POU6F2: variants seen among roughly 807,000 people sequenced by gnomAD.
The protein encoded by POU6F2 is POU domain, class 6, transcription factor 2.
In POU6F2, 31 loss-of-function variants were observed where a neutral mutation model predicts 71.3. The ratio of observed to expected loss-of-function variants is 0.43; its 90% CI spans 0.33 to 0.59. POU6F2 has a LOEUF of 0.59. Among genes scored for constraint, POU6F2 ranks in the 20% least tolerant of loss-of-function variants. POU6F2 has a pLI of 0.04. For synonymous variants in POU6F2, 347 were observed against 355.7 expected, an observed-to-expected ratio of 0.98 and a Z score of 0.27; for missense variants, 783 against 856.8, an observed-to-expected ratio of 0.91 and a Z score of 1.07.
At chr7:39,272,261 T>G (rs1229498159) in intron 4 of POU6F2, among the ~76,000 whole-genome samples, 1 of 152,144 alleles carries the variant, frequency 6.6e-6, no homozygotes, top group Non-Finnish European at 1.5e-5. Flanking sequence ...TTCATCATCC[T>G]CCCACTACTG....
chr7:39,202,062 G>C (rs1234261382), intron 2 of POU6F2, among the ~76,000 whole-genome samples: 1 of 152,230 alleles, frequency 6.6e-6, no homozygotes, highest in Non-Finnish European at 1.5e-5. Flanking sequence ...GCCCTGGACT[G>C]CACTGAACGT....
intron 1 of POU6F2, among the ~76,000 whole-genome samples, chr7:39,010,819 T>C (rs1584496262): frequency 1.3e-5 from 2 of 149,590 alleles, no homozygotes; most frequent in African/African-American, 2.5e-5. Context: ...TCAGTTTCCA[T>C]GTAGTTGAGT....
intron 4 of POU6F2, among the ~76,000 whole-genome samples, chr7:39,228,712 T>C (rs931366621): frequency 3.3e-5 from 5 of 152,228 alleles, no homozygotes; most frequent in African/African-American, 1.2e-4. Context: ...AATCAGTAAG[T>C]AGTCGCAAAT....
chr7:39,168,573 C>T (rs936645533), intron 2 of POU6F2, among the ~76,000 whole-genome samples: 14 of 152,150 alleles, frequency 9.2e-5, no homozygotes, highest in African/African-American at 2.7e-4. Flanking sequence ...AGCCCTTTCT[C>T]CCCACCTCTG....
At chr7:39,333,957 C>T (rs1424720050) in intron 4 of POU6F2, among the ~76,000 whole-genome samples, 4 of 152,116 alleles carry the variant, frequency 2.6e-5, no homozygotes, top group Non-Finnish European at 4.4e-5. Flanking sequence ...TCCTTACAAG[C>T]TCCCTTGGTG....
intron 1 of POU6F2, among the ~76,000 whole-genome samples, chr7:38,979,851 T>C (rs1421983891): frequency 6.6e-6 from 1 of 151,552 alleles, no homozygotes; most frequent in Admixed American, 6.6e-5. Context: ...TAGGATTTCC[T>C]TTTTCTATAT....
chr7:39,053,509 C>T (rs1168627546), intron 1 of POU6F2, among the ~76,000 whole-genome samples: 1 of 151,994 alleles, frequency 6.6e-6, no homozygotes, highest in East Asian at 1.9e-4. Flanking sequence ...TTTTTCCCCC[C>T]AGAAGATCCC....
intron 7 of POU6F2, among the ~76,000 whole-genome samples, chr7:39,443,619 G>A (rs1788459922): frequency 6.6e-6 from 1 of 152,152 alleles, no homozygotes; most frequent in Non-Finnish European, 1.5e-5. Context: ...CTAACAAGTT[G>A]GGCAAATTGA....
At chr7:39,443,789 T>C (rs1788462857) in intron 7 of POU6F2, among the ~76,000 whole-genome samples, 1 of 152,246 alleles carries the variant, frequency 6.6e-6, no homozygotes, top group Non-Finnish European at 1.5e-5. Context: ...TGAAGAAATA[T>C]AATATGGACA....
chr7:39,350,521 A>C (rs1009170154), intron 5 of POU6F2, among the ~76,000 whole-genome samples: 2 of 152,154 alleles, frequency 1.3e-5, no homozygotes, highest in African/African-American at 2.4e-5. Flanking sequence ...AGTAGTCTGC[A>C]CTCCATGGAA....
chr7:39,384,685 C>A (rs1040775498), intron 5 of POU6F2, among the ~76,000 whole-genome samples: 1 of 152,326 alleles, frequency 6.6e-6, no homozygotes, highest in African/African-American at 2.4e-5. Context: ...AAACTCTCAC[C>A]TTCTCAGAGA....
Position 39,178,387 on chromosome 7 carries a change from T to C in POU6F2, c.278-25848T>C, listed in dbSNP as rs563724917. Among the ~76,000 whole-genome samples the C allele has an allele frequency of 7.2e-5, 11 of 152,316 alleles. No homozygotes were observed. The South Asian group carries it at 1.5e-3, about 20-fold the overall frequency. ...CCCTATTGAATATAGAAAGTATTCA[T>C]TGAGTTTTACATTCTATAATTTGAT... On this transcript the variant is annotated intron_variant, in intron 2 of 9. Transcript: ENST00000518318.
At chr7:39,080,287 T>A (rs997400432) in intron 1 of POU6F2, among the ~76,000 whole-genome samples, 2 of 152,200 alleles carry the variant, frequency 1.3e-5, no homozygotes, top group Admixed American at 1.3e-4. Flanking sequence ...AAGTTTGTTT[T>A]TCTTCATGAC....
At chr7:39,440,761 C>T (rs1335945281) in intron 7 of POU6F2, among the ~76,000 whole-genome samples, 1 of 152,182 alleles carries the variant, frequency 6.6e-6, no homozygotes, top group Admixed American at 6.6e-5. Context: ...AGAAGAGGCA[C>T]TCTGATCTTT....
chr7:39,125,680 G>C (rs1360171097), intron 2 of POU6F2, among the ~76,000 whole-genome samples: 1 of 151,800 alleles, frequency 6.6e-6, no homozygotes, highest in Non-Finnish European at 1.5e-5. Flanking sequence ...TGCATTTTTT[G>C]TATTTATTAT....
chr7:39,017,922 C>G (rs1789597802), intron 1 of POU6F2, among the ~76,000 whole-genome samples: 1 of 151,582 alleles, frequency 6.6e-6, no homozygotes, highest in African/African-American at 2.4e-5. Context: ...CATATTATCT[C>G]CAAATAATGT....
chr7:39,431,563 C>T (rs1788101977), intron 6 of POU6F2, among the ~76,000 whole-genome samples: 3 of 152,176 alleles, frequency 2.0e-5, no homozygotes, highest in South Asian at 4.1e-4. Context: ...GCAAACAAGA[C>T]ACACAGTGTG....
chr7:39,240,701 G>A (rs1783709919), intron 4 of POU6F2, among the ~76,000 whole-genome samples: 1 of 152,128 alleles, frequency 6.6e-6, no homozygotes, highest in Non-Finnish European at 1.5e-5. Flanking sequence ...ATTGCTGCAT[G>A]AAAGAATGAC....
chr7:39,040,844 T>G (rs1790177934), intron 1 of POU6F2, among the ~76,000 whole-genome samples: 1 of 151,934 alleles, frequency 6.6e-6, no homozygotes. Context: ...TAATTTCTGT[T>G]TACCCTTCCT....
Sources: gnomAD v4.1 joint callset for allele counts (sites outside exome capture counted in the v4.1 genomes callset) on GRCh38, gnomAD v4.1.1 for gene constraint, MANE v1.5 for transcripts, NCBI Gene and HGNC (gene_info 2026-07-23, HGNC 2026-07-21) for gene names.